FCHSD2: variants seen among roughly 807,000 people sequenced by gnomAD.
The protein encoded by FCHSD2 is F-BAR and double SH3 domains protein 2.
A neutral mutation model predicts 108.1 loss-of-function variants in FCHSD2; 38 were observed. That is an observed-to-expected ratio of 0.35 (90% CI 0.27 to 0.46). The LOEUF is 0.46. Among genes scored for constraint, FCHSD2 ranks in the 20% least tolerant of loss-of-function variants. The pLI, the probability that FCHSD2 is intolerant of heterozygous loss-of-function variation, is 1.00. For missense variants in FCHSD2, 751 were observed against 897.8 expected, an observed-to-expected ratio of 0.84 and a Z score of 2.09; for synonymous variants, 279 against 314.7, an observed-to-expected ratio of 0.89 and a Z score of 1.20.
At chr11:72,984,745 C>T (rs1857279993) in intron 7 of FCHSD2, among the ~76,000 whole-genome samples, 1 of 152,192 alleles carries the variant, frequency 6.6e-6, no homozygotes, top group African/African-American at 2.4e-5. Flanking sequence ...TAAATCTAAA[C>T]GAAATAGATT....
chr11:72,974,135 A>C (rs1857061588), intron 8 of FCHSD2, among the ~76,000 whole-genome samples: 1 of 152,088 alleles, frequency 6.6e-6, no homozygotes, highest in Non-Finnish European at 1.5e-5. Context: ...AGAATACCAC[A>C]AACTGGGTAA....
At chr11:73,059,990 CA>C (rs1453756296) in intron 3 of FCHSD2, among the ~76,000 whole-genome samples, 1 of 152,172 alleles carries the variant, frequency 6.6e-6, no homozygotes, top group African/African-American at 2.4e-5. Context: ...CTGTTACAAA[CA>C]AAGCAAATTA....
At chr11:72,853,118 G>A (rs1861334846) in intron 13 of FCHSD2, among the ~76,000 whole-genome samples, 1 of 152,096 alleles carries the variant, frequency 6.6e-6, no homozygotes, top group Admixed American at 6.6e-5. Flanking sequence ...TAACAAACCT[G>A]CACATGTACT....
intron 3 of FCHSD2, among the ~76,000 whole-genome samples, chr11:73,040,530 GT>G (rs1858609731): frequency 6.6e-6 from 1 of 152,090 alleles, no homozygotes; most frequent in Non-Finnish European, 1.5e-5. Flanking sequence ...AGTCCATTCT[GT>G]TGGTGATACC....
chr11:72,967,443 T>C (rs1856931324), intron 8 of FCHSD2, among the ~76,000 whole-genome samples: 1 of 152,062 alleles, frequency 6.6e-6, no homozygotes, highest in African/African-American at 2.4e-5. Flanking sequence ...AAAAATAAAG[T>C]ACTATTACTA....
chr11:72,897,820 A>T (rs759183718), intron 10 of FCHSD2, among the ~76,000 whole-genome samples: 14 of 152,206 alleles, frequency 9.2e-5, no homozygotes, highest in Non-Finnish European at 2.1e-4. Context: ...ATAGACAGGA[A>T]GATTTAAAGG....
intron 3 of FCHSD2, among the ~76,000 whole-genome samples, chr11:73,035,180 A>T (rs1858459065): frequency 7.4e-6 from 1 of 135,324 alleles, no homozygotes; most frequent in African/African-American, 2.7e-5. Context: ...GTATGTATGT[A>T]TGTATGTATG....
Position 73,056,859 on chromosome 11 carries a change from G to C in FCHSD2, c.165+26836C>G, listed in dbSNP as rs188053870. ...GCACTTTGGGAGGCCAAGGTGGGTG[G>C]ATCACAGGGTCAGGAGATTGAGACC... On this transcript the variant is annotated intron_variant, in intron 3 of 19. Coordinates refer to ENST00000409418, the MANE Select transcript of FCHSD2 (RefSeq NM_014824.3). Among the ~76,000 whole-genome samples, 14 of 152,228 alleles carry C rather than the reference G, an allele frequency of 9.2e-5. No homozygotes were observed. The East Asian group carries it at 2.5e-3, about 27-fold the overall frequency.
chr11:73,108,188 G>A (rs1284798193), intron 2 of FCHSD2, among the ~76,000 whole-genome samples: 2 of 152,204 alleles, frequency 1.3e-5, no homozygotes, highest in Admixed American at 1.3e-4. Context: ...TCAAATGCCT[G>A]TTTGTCAATG....
At chr11:72,959,791 A>G (rs1454945132) in intron 8 of FCHSD2, among the ~76,000 whole-genome samples, 1 of 151,890 alleles carries the variant, frequency 6.6e-6, no homozygotes. Context: ...GATCATGTAC[A>G]TTATATGCTG....
At position 73,097,185 on chromosome 11, in the gene FCHSD2, G is replaced by A. The variant is rs193150356; in HGVS notation, c.120-13445C>T. Among the ~76,000 whole-genome samples, 41 of 150,290 alleles carry A rather than the reference G, an allele frequency of 2.7e-4. No individual in the cohort carries two copies. In the South Asian group the frequency reaches 4.6e-3, roughly 17 times the overall value. On this transcript the variant is annotated intron_variant, in intron 2 of 19. Coordinates refer to ENST00000409418, the MANE Select transcript of FCHSD2 (RefSeq NM_014824.3). ...GCCTGGCTGATTTTTGTATTTTTTC[G>A]TAGAGATGGGGTTTCACCATGCTGC...
At chr11:72,970,946 C>A (rs1856995921) in intron 8 of FCHSD2, among the ~76,000 whole-genome samples, 1 of 152,154 alleles carries the variant, frequency 6.6e-6, no homozygotes, top group Non-Finnish European at 1.5e-5. Context: ...TCGGGAAGGT[C>A]TGAGTCAATA....
intron 13 of FCHSD2, among the ~76,000 whole-genome samples, chr11:72,851,877 CTTTTTTT>C (rs56101807): frequency 8.1e-6 from 1 of 123,426 alleles, no homozygotes. Flanking sequence ...GTCAGAGTGG[CTTTTTTT>C]TTTTTTTTTT....
chr11:73,116,806 G>A (rs557103636), intron 2 of FCHSD2, among the ~76,000 whole-genome samples: 3 of 152,204 alleles, frequency 2.0e-5, no homozygotes, highest in East Asian at 1.9e-4. Context: ...CAAAGTGCAC[G>A]GATTACAGGC....
intron 8 of FCHSD2, among the ~76,000 whole-genome samples, chr11:72,960,553 G>A (rs1411193269): frequency 6.6e-6 from 1 of 152,178 alleles, no homozygotes; most frequent in Middle Eastern, 3.2e-3. Flanking sequence ...GAGCCTAGCA[G>A]TTTCATAATA....
intron 8 of FCHSD2, among the ~76,000 whole-genome samples, chr11:72,943,238 C>T (rs1856456715): frequency 6.6e-6 from 1 of 151,732 alleles, no homozygotes; most frequent in Admixed American, 6.6e-5. Flanking sequence ...TGTGATCTGC[C>T]CACCTCTACC....
intron 12 of FCHSD2, among the ~76,000 whole-genome samples, chr11:72,877,764 T>A (rs555855479): frequency 7.2e-5 from 11 of 152,262 alleles, no homozygotes; most frequent in Non-Finnish European, 1.3e-4. Context: ...CTCAACACTT[T>A]GGAGGCTGAG....
At chr11:72,893,439 C>T (rs1490645596) in intron 10 of FCHSD2, among the ~76,000 whole-genome samples, 1 of 152,068 alleles carries the variant, frequency 6.6e-6, no homozygotes, top group African/African-American at 2.4e-5. Context: ...CCTCAGCATC[C>T]CAAGTAGCTG....
At chr11:72,858,609 C>G (rs1861486941) in intron 13 of FCHSD2, among the ~76,000 whole-genome samples, 2 of 152,056 alleles carry the variant, frequency 1.3e-5, no homozygotes, top group Admixed American at 6.6e-5. Context: ...ACACTGGGGC[C>G]TTTCGGAGGG....
Sources: gnomAD v4.1 joint callset for allele counts (sites outside exome capture counted in the v4.1 genomes callset) on GRCh38, gnomAD v4.1.1 for gene constraint, MANE v1.5 for transcripts, NCBI Gene and HGNC (gene_info 2026-07-23, HGNC 2026-07-21) for gene names.